FEZ2: variants seen among roughly 807,000 people sequenced by gnomAD.
The protein encoded by FEZ2 is fasciculation and elongation protein zeta 2, also known as fasciculation and elongation protein zeta-2.
A neutral mutation model predicts 40.4 loss-of-function variants in FEZ2; 51 were observed. The ratio of observed to expected loss-of-function variants is 1.26; its 90% CI spans 1.01 to 1.59. The LOEUF (loss-of-function observed/expected upper bound fraction) is 1.59. FEZ2 is among the 40% of genes most tolerant of loss of function. FEZ2 has a pLI of 0.00. For missense variants in FEZ2, 640 were observed against 438.3 expected (o/e 1.46, Z -4.11); for synonymous variants, 242 against 172.0 (o/e 1.41, Z -3.18).
intron 2 of FEZ2, chr2:36,590,651 C>T (rs554522089): frequency 2.3e-5 from 9 of 396,544 alleles, no homozygotes; most frequent in African/African-American, 1.5e-4. Context: ...AGTGAGACTC[C>T]GTCAAAAAAA....
intron 5 of FEZ2, among the ~76,000 whole-genome samples, chr2:36,570,483 GAATAT>G (rs911017588): frequency 5.9e-5 from 9 of 152,004 alleles, no homozygotes; most frequent in Non-Finnish European, 2.9e-5. Context: ...ACTAAAACTA[GAATAT>G]AATAATTGAT....
At chr2:36,572,881 CAAGA>C (rs996098559) in intron 5 of FEZ2, among the ~76,000 whole-genome samples, 2 of 152,234 alleles carry the variant, frequency 1.3e-5, no homozygotes, top group African/African-American at 4.8e-5. Flanking sequence ...AAAATATATA[CAAGA>C]AAGAGTGTAT....
Position 36,555,128 on chromosome 2 carries a change from G to A in FEZ2, c.1045+555C>T, listed in dbSNP as rs188117465. 3.0e-4 allele frequency among the ~76,000 whole-genome samples: 45 copies of A among 152,208 alleles called. No homozygotes were observed. In the East Asian group the frequency reaches 6.7e-3, roughly 23 times the overall value. On this transcript the variant is annotated intron_variant, in intron 7 of 7. Transcript: ENST00000405912. ...TGCCTCATCAATATTCCCACCCTGT[G>A]TGAGCCTCACCTTGCCTCTAAGATT...
chr2:36,571,199 T>A (rs1482013903), intron 5 of FEZ2, among the ~76,000 whole-genome samples: 1 of 152,216 alleles, frequency 6.6e-6, no homozygotes, highest in Non-Finnish European at 1.5e-5. Flanking sequence ...GTTTGAATTA[T>A]TAAAATAATA....
intron 1 of FEZ2, among the ~76,000 whole-genome samples, chr2:36,597,146 G>A (rs910509686): frequency 2.0e-5 from 3 of 152,054 alleles, no homozygotes; most frequent in African/African-American, 7.2e-5. Flanking sequence ...CTCTACCAGG[G>A]CTCCCGGGTG....
chr2:36,560,957 C>G (rs990948233), intron 5 of FEZ2: 1 of 674,278 alleles, frequency 1.5e-6, no homozygotes, highest in African/African-American at 1.8e-5. Context: ...CTTATGTGCC[C>G]AAGAGGCAAG....
chr2:36,590,809 G>A, intron 2 of FEZ2, 94 bp downstream of exon 2: 1 of 760,154 alleles, frequency 1.3e-6, no homozygotes, highest in South Asian at 1.6e-5. Context: ...ATGAGAGGCA[G>A]GTCAGTGAAT....
At chr2:36,590,214 C>T (rs1669025989) in intron 2 of FEZ2, 2 of 152,196 alleles carry the variant, frequency 1.3e-5, no homozygotes, top group Non-Finnish European at 2.9e-5. Flanking sequence ...AAAGGTTCTC[C>T]AGTATTCACA....
At chr2:36,575,470 T>C (rs1668541708) in intron 5 of FEZ2, among the ~76,000 whole-genome samples, 1 of 152,326 alleles carries the variant, frequency 6.6e-6, no homozygotes, top group Non-Finnish European at 1.5e-5. Context: ...ATTACCATCA[T>C]GAGTCATCCT....
intron 2 of FEZ2, among the ~76,000 whole-genome samples, chr2:36,587,711 T>C (rs368406309): frequency 1.3e-5 from 2 of 152,120 alleles, no homozygotes; most frequent in African/African-American, 4.8e-5. Context: ...TAAAGAATGC[T>C]TTCAAAGGGT....
chr2:36,585,374 A>G, intron 2 of FEZ2, among the ~76,000 whole-genome samples: 1 of 152,232 alleles, frequency 6.6e-6, no homozygotes, highest in East Asian at 1.9e-4. Flanking sequence ...TGGTCTAATA[A>G]CAAGTGACAA....
Position 36,598,055 on chromosome 2 carries a change from G to C in FEZ2, c.88C>G (p.Pro30Ala), listed in dbSNP as rs748827473. ...GCCCCCGCCTCCGCCCCAGGCTCGG[G>C]GCTCGCGTTACAGTTCTCCTGGTCC... ...LLDQENCNAS[P>A]EPGAEAGAEA... The change falls in exon 1 of 8, where the codon CCC becomes GCC. Residue 30 changes from proline (P) to alanine (A), a missense_variant. By Grantham distance (27) the Pro-to-Ala change is conservative. Coordinates refer to ENST00000405912, the MANE Select transcript of FEZ2 (RefSeq NM_005102.3). The C allele has an allele frequency of 6.7e-7, 1 of 1,500,716 alleles. No individual in the cohort carries two copies. The highest frequency in any genetic ancestry group is 2.1e-5 in the Admixed American group (1 of 47,922). The allele number at this position is 1,500,716 out of a possible 1,614,324, so 93.0% of individuals were successfully genotyped here.
chr2:36,589,309 T>C (rs1386272561), intron 2 of FEZ2, among the ~76,000 whole-genome samples: 1 of 152,192 alleles, frequency 6.6e-6, no homozygotes, highest in African/African-American at 2.4e-5. Flanking sequence ...GTGGCACAGA[T>C]AACAAGTCCT....
At chr2:36,553,268 A>T (rs1390870536) in intron 7 of FEZ2, 89 bp from the exon 8 acceptor site, 50 of 1,004,168 alleles carry the variant, frequency 5.0e-5, no homozygotes, top group Non-Finnish European at 6.8e-5. Flanking sequence ...TTTAAAAACC[A>T]TTAAGTAATG....
intron 5 of FEZ2, chr2:36,558,788 CTG>C (rs1466105584): frequency 4.0e-6 from 1 of 248,792 alleles, no homozygotes. Flanking sequence ...AGGACTAAGT[CTG>C]AGGATGGTTT....
At chr2:36,574,327 T>C (rs1339841311) in intron 5 of FEZ2, among the ~76,000 whole-genome samples, 1 of 152,186 alleles carries the variant, frequency 6.6e-6, no homozygotes, top group Non-Finnish European at 1.5e-5. Context: ...GGCAGAAAGA[T>C]CCAATATAGA....
chr2:36,582,294 G>A (rs1270656864), intron 3 of FEZ2, among the ~76,000 whole-genome samples: 1 of 152,024 alleles, frequency 6.6e-6, no homozygotes, highest in Non-Finnish European at 1.5e-5. Flanking sequence ...CATGCTTTAT[G>A]AATTAACAAG....
At chr2:36,572,462 T>TTTTA (rs1668446190) in intron 5 of FEZ2, among the ~76,000 whole-genome samples, 1 of 152,232 alleles carries the variant, frequency 6.6e-6, no homozygotes, top group Non-Finnish European at 1.5e-5. Context: ...TACTTTTTAA[T>TTTTA]TTTACTAAGT....
At chr2:36,575,449 A>C (rs544083091) in intron 5 of FEZ2, among the ~76,000 whole-genome samples, 4 of 152,130 alleles carry the variant, frequency 2.6e-5, no homozygotes, top group African/African-American at 9.7e-5. Flanking sequence ...TCAGCCTCTC[A>C]AAGTCCTAGA....
Sources: gnomAD v4.1 joint callset for allele counts (sites outside exome capture counted in the v4.1 genomes callset) on GRCh38, gnomAD v4.1.1 for gene constraint, MANE v1.5 for transcripts, NCBI Gene and HGNC (gene_info 2026-07-23, HGNC 2026-07-21) for gene names.